The following STAT4 variants were observed in gnomAD, a reference collection of about 807,000 sequenced individuals.
STAT4 encodes signal transducer and activator of transcription 4.
In STAT4, 42 loss-of-function variants were observed where a neutral mutation model predicts 110.5. That is an observed-to-expected ratio of 0.38 (90% CI 0.30 to 0.49). STAT4 has a LOEUF of 0.49. Ranked by LOEUF, STAT4 falls within the 20% of genes least tolerant of loss-of-function variation. The pLI is 0.95. For missense variants in STAT4, 632 were observed against 887.9 expected, an observed-to-expected ratio of 0.71 and a Z score of 3.66; for synonymous variants, 284 against 302.2, an observed-to-expected ratio of 0.94 and a Z score of 0.63.
intron 3 of STAT4, among the ~76,000 whole-genome samples, chr2:191,109,327 G>A (rs1553514071): frequency 6.6e-6 from 1 of 151,576 alleles, no homozygotes; most frequent in Non-Finnish European, 1.5e-5. Context: ...TTAAAGACAA[G>A]TGGGGAAGCC....
rs1696236831 is a variant in STAT4 at position 191,042,581 on chromosome 2, T to C, written c.1252-1433A>G. On this transcript the variant is annotated intron_variant, in intron 14 of 23. Coordinates refer to ENST00000392320, the MANE Select transcript of STAT4 (RefSeq NM_003151.4). This position sits in a 1 kb window ranked among gnomAD's most constrained non-coding sequence, Gnocchi z 4.2. ...TTATTATTTTGGTTTTTGTGATAAG[T>C]GTATTGTGGTTAGGTTTAAACATTT... Among the ~76,000 whole-genome samples the C allele has an allele frequency of 6.6e-6, 1 of 152,162 alleles. No homozygotes were observed. Among genetic ancestry groups the C allele is most frequent in the Admixed American group, 6.5e-5 (1 of 15,274 alleles).
At chr2:191,109,444 T>C (rs1698368804) in intron 3 of STAT4, among the ~76,000 whole-genome samples, 1 of 152,128 alleles carries the variant, frequency 6.6e-6, no homozygotes, top group Admixed American at 6.5e-5. Flanking sequence ...CTGTGTTCGG[T>C]TTGTCTATTC....
chr2:191,106,218 C>T (rs558537840), intron 3 of STAT4, among the ~76,000 whole-genome samples: 112 of 152,176 alleles, frequency 7.4e-4, no homozygotes, highest in African/African-American at 2.6e-3. Flanking sequence ...CAAAAGAAAC[C>T]GTAACCCTTG....
At chr2:191,097,634 G>T (rs1159138810) in intron 3 of STAT4, among the ~76,000 whole-genome samples, 4 of 152,184 alleles carry the variant, frequency 2.6e-5, no homozygotes, top group Non-Finnish European at 4.4e-5. Flanking sequence ...ATGGATTAAA[G>T]ACTTAAATGT....
chr2:191,045,181 C>CA (rs1696315431), intron 14 of STAT4, among the ~76,000 whole-genome samples: 1 of 152,018 alleles, frequency 6.6e-6, no homozygotes, highest in South Asian at 2.1e-4. Flanking sequence ...ATTTACAGCT[C>CA]AAAAAATAAT....
chr2:191,064,121 G>C (rs1361742431), intron 8 of STAT4, among the ~76,000 whole-genome samples: 1 of 152,128 alleles, frequency 6.6e-6, no homozygotes, highest in Non-Finnish European at 1.5e-5. Context: ...ATGCCAGCTT[G>C]TATTAACCAT....
chr2:191,139,181 G>A (rs1699256767), intron 3 of STAT4, among the ~76,000 whole-genome samples: 2 of 151,838 alleles, frequency 1.3e-5, no homozygotes, highest in Non-Finnish European at 2.9e-5. Context: ...CCCCCCGAGA[G>A]CTGGAACAAG....
rs116076002 is a variant in STAT4, at chr2:191,105,872, G to A, written c.274-29547C>T. Among the ~76,000 whole-genome samples the A allele has an allele frequency of 5.2e-3, 791 of 152,182 alleles. 6 individuals are homozygous for A. Among genetic ancestry groups the A allele is most frequent in the African/African-American group, 0.018 (751 of 41,508 alleles). ...CTAAGTATAGTATTTAATTATCCTC[G>A]CCGATGGATATGAACAGAAAATAAG... is the stretch of plus-strand genomic sequence containing the variant. On this transcript the variant is annotated intron_variant, in intron 3 of 23. Transcript: ENST00000392320.
At chr2:191,106,329 T>C (rs1379985094) in intron 3 of STAT4, among the ~76,000 whole-genome samples, 1 of 151,800 alleles carries the variant, frequency 6.6e-6, no homozygotes, top group Non-Finnish European at 1.5e-5. Context: ...CATGCCTAAT[T>C]CTGTTTAAAT....
At position 191,050,722 on chromosome 2, in the gene STAT4, AC is replaced by A. The variant is rs1222252572; in HGVS notation, c.1251+3767del. Among the ~76,000 whole-genome samples, 3 of 152,108 alleles carry A rather than the reference AC, an allele frequency of 2.0e-5. No individual in the cohort carries two copies. The South Asian group carries it at 6.2e-4, about 32-fold the overall frequency. ...GGAGCCAGAGCTCCACATTTCCCCA[AC>A]CCCCAGGGCAAATGGGGTTCCTGAG... On this transcript the variant is annotated intron_variant, in intron 14 of 23. Transcript: ENST00000392320. The surrounding 1 kb of genome is among the most constrained non-coding windows in gnomAD (Gnocchi z 4.3).
Position 191,104,407 on chromosome 2 carries a change from A to G in STAT4, c.274-28082T>C, listed in dbSNP as rs1698221984. ...GAGAAGATGAGGTAATATTGTAGAT[A>G]AAAAGCTTTAGAATCAGTGTTCATT... is the stretch of plus-strand genomic sequence containing the variant. On this transcript the variant is annotated intron_variant, in intron 3 of 23. Coordinates refer to ENST00000392320, the MANE Select transcript of STAT4 (RefSeq NM_003151.4). The surrounding 1 kb of genome is among the most constrained non-coding windows in gnomAD (Gnocchi z 4.3). 6.6e-6 allele frequency among the ~76,000 whole-genome samples: 1 copy of G among 152,192 alleles called. No individual in the cohort carries two copies. Among genetic ancestry groups the G allele is most frequent in the African/African-American group, 2.4e-5 (1 of 41,458 alleles).
Position 191,042,500 on chromosome 2 carries a change from C to T in STAT4, c.1252-1352G>A, listed in dbSNP as rs1233262929. ...AACTGTCAAATGGCCTTTTTTGAGA[C>T]AATAGAGGAATTTGAACAAAAAATA... On this transcript the variant is annotated intron_variant, in intron 14 of 23. Transcript: ENST00000392320. This position sits in a 1 kb window ranked among gnomAD's most constrained non-coding sequence, Gnocchi z 4.2. Among the ~76,000 whole-genome samples the T allele has an allele frequency of 6.6e-6, 1 of 151,770 alleles. No homozygotes were observed. The highest frequency in any genetic ancestry group is 1.5e-5 in the Non-Finnish European group (1 of 67,966).
At chr2:191,115,317 TG>T (rs1412831269) in intron 3 of STAT4, among the ~76,000 whole-genome samples, 1 of 152,172 alleles carries the variant, frequency 6.6e-6, no homozygotes, top group African/African-American at 2.4e-5. Context: ...TCTGCTTCAT[TG>T]GTGATGAACA....
intron 7 of STAT4, among the ~76,000 whole-genome samples, chr2:191,065,711 A>G (rs934134006): frequency 6.6e-6 from 1 of 152,204 alleles, no homozygotes; most frequent in Non-Finnish European, 1.5e-5. Context: ...AACTAAGTTT[A>G]TAATTAATTT....
Position 191,032,609 on chromosome 2 carries a change from A to AC in STAT4, c.2044+348dup, listed in dbSNP as rs923263046. ...TTACTATTAAAAGCTTCTCATCATT[A>AC]CCCCCTCTTTCTTTTCCTTTCCCTC... On this transcript the variant is annotated intron_variant, in intron 21 of 23. Transcript: ENST00000392320. This position sits in a 1 kb window ranked among gnomAD's most constrained non-coding sequence, Gnocchi z 4.9. 4.6e-5 allele frequency among the ~76,000 whole-genome samples: 7 copies of AC among 152,022 alleles called. No homozygotes were observed. The highest frequency in any genetic ancestry group is 8.8e-5 in the Non-Finnish European group (6 of 68,010).
In STAT4 at chr2:191,140,627, T is replaced by C. The variant is rs1438113322; in HGVS notation, c.273+5986A>G. On this transcript the variant is annotated intron_variant, in intron 3 of 23. Transcript: ENST00000392320. The surrounding 1 kb of genome is among the most constrained non-coding windows in gnomAD (Gnocchi z 4.4). ...CATGGATGTAGTGAAAAGGGAACAC[T>C]GTTAGACTGCTGATGGGAATGTAAA... Among the ~76,000 whole-genome samples, 1 of 152,202 alleles carries C rather than the reference T, an allele frequency of 6.6e-6. No individual in the cohort carries two copies. Among genetic ancestry groups the C allele is most frequent in the Non-Finnish European group, 1.5e-5 (1 of 68,042 alleles).
At chr2:191,145,573 G>A (rs193264943) in intron 3 of STAT4, among the ~76,000 whole-genome samples, 2 of 152,304 alleles carry the variant, frequency 1.3e-5, no homozygotes, top group African/African-American at 4.8e-5. Context: ...CCTGTTTTTA[G>A]TCAAGTGTCT....
chr2:191,060,308 A>G lies in STAT4; in HGVS notation c.1034+1421T>C, dbSNP rs549422194. Among the ~76,000 whole-genome samples, 1 of 152,356 alleles carries G rather than the reference A, an allele frequency of 6.6e-6. No homozygotes were observed. The highest frequency in any genetic ancestry group is 2.4e-5 in the African/African-American group (1 of 41,586). ...TAGGAGTGTCTCAAGGAAAAGTAGA[A>G]TGTCCACCACTTCTCCATCTTATTT... is the stretch of plus-strand genomic sequence containing the variant. On this transcript the variant is annotated intron_variant, in intron 10 of 23. Coordinates refer to ENST00000392320, the MANE Select transcript of STAT4 (RefSeq NM_003151.4). The surrounding 1 kb of genome is among the most constrained non-coding windows in gnomAD (Gnocchi z 4.5).
intron 3 of STAT4, among the ~76,000 whole-genome samples, chr2:191,088,070 T>TAGGGAAGGGAAATAAAAAGGGAA (rs1697685465): frequency 2.6e-5 from 4 of 152,090 alleles, no homozygotes; most frequent in African/African-American, 9.7e-5. Context: ...AAATAAATTC[T>TAGGGAAGGGAAATAAAAAGGGAA]ATACAAATAG....
Sources: allele counts gnomAD v4.1 joint callset (sites outside exome capture counted in the v4.1 genomes callset), GRCh38; gene constraint gnomAD v4.1.1; non-coding constraint Gnocchi (gnomAD v3.1); transcripts MANE v1.5; gene names NCBI Gene and HGNC (gene_info 2026-07-23, HGNC 2026-07-21).